LYPD6: variants seen among roughly 807,000 people sequenced by gnomAD.
LYPD6 encodes the protein ly6/PLAUR domain-containing protein 6.
A neutral mutation model predicts 22.7 loss-of-function variants in LYPD6; 15 were observed. That is an observed-to-expected ratio of 0.66 (90% CI 0.44 to 1.02). LYPD6 has a LOEUF of 1.02. LYPD6 is among the 50% of genes least tolerant of loss of function. The pLI, the probability that LYPD6 is intolerant of heterozygous loss-of-function variation, is 0.00. For missense variants in LYPD6, 189 were observed against 208.4 expected (o/e 0.91, Z 0.57); for synonymous variants, 72 against 77.5 (o/e 0.93, Z 0.37).
chr2:149,384,103 A>G (rs1682127450), intron 1 of LYPD6, among the ~76,000 whole-genome samples: 1 of 152,210 alleles, frequency 6.6e-6, no homozygotes. Context: ...GTAGAATCCC[A>G]TTAAATATTT....
chr2:149,414,306 A>C (rs1682915867), intron 1 of LYPD6, among the ~76,000 whole-genome samples: 1 of 152,236 alleles, frequency 6.6e-6, no homozygotes, highest in African/African-American at 2.4e-5. Flanking sequence ...TTTAATACTC[A>C]CTGTTAATAT....
intron 1 of LYPD6, among the ~76,000 whole-genome samples, chr2:149,359,117 A>G (rs1681521729): frequency 6.6e-6 from 1 of 152,240 alleles, no homozygotes; most frequent in African/African-American, 2.4e-5. Context: ...CATATTTTAA[A>G]GGAGTGTTTG....
At chr2:149,331,344 G>A (rs148946241) in intron 1 of LYPD6, among the ~76,000 whole-genome samples, 1 of 152,154 alleles carries the variant, frequency 6.6e-6, no homozygotes, top group Admixed American at 6.5e-5. Context: ...TTTTCTCTCC[G>A]GTAACAGCAG....
chr2:149,402,229 T>A (rs1436062096), intron 1 of LYPD6, among the ~76,000 whole-genome samples: 1 of 150,534 alleles, frequency 6.6e-6, no homozygotes, highest in Non-Finnish European at 1.5e-5. Flanking sequence ...ATGGTGTGTG[T>A]TTGCGTGTGT....
At position 149,404,490 on chromosome 2, in the gene LYPD6, A is replaced by T. The variant is rs375712772; in HGVS notation, c.-71-33148A>T. Among the ~76,000 whole-genome samples the T allele has an allele frequency of 3.9e-5, 6 of 152,084 alleles. 1 individual carries two copies. In the East Asian group the frequency reaches 7.7e-4, roughly 20 times the overall value. On this transcript the variant is annotated intron_variant, in intron 1 of 4. Coordinates refer to ENST00000334166, the MANE Select transcript of LYPD6 (RefSeq NM_194317.5). ...ATTCCTAGGTATTGTATTCTCTTTG[A>T]AGCAGTTGTGAATGGGAGTTCACTC...
intron 3 of LYPD6, among the ~76,000 whole-genome samples, chr2:149,463,994 T>C (rs941523223): frequency 2.0e-5 from 3 of 152,152 alleles, no homozygotes; most frequent in Admixed American, 2.0e-4. Flanking sequence ...TATTATACCA[T>C]AGTTTTGCAG....
intron 3 of LYPD6, among the ~76,000 whole-genome samples, chr2:149,457,029 A>T (rs1310359893): frequency 6.6e-6 from 1 of 152,206 alleles, no homozygotes; most frequent in East Asian, 1.9e-4. Context: ...TCGCTAATTG[A>T]CATTTTTACA....
intron 1 of LYPD6, among the ~76,000 whole-genome samples, chr2:149,397,338 G>A (rs1425615527): frequency 6.6e-6 from 1 of 152,126 alleles, no homozygotes; most frequent in Admixed American, 6.5e-5. Context: ...TTGTTTCAGT[G>A]TTCCTCCATG....
intron 1 of LYPD6, among the ~76,000 whole-genome samples, chr2:149,421,114 TTTTCTTTAATCCCACCAC>T (rs1416991079): frequency 6.6e-6 from 1 of 152,050 alleles, no homozygotes; most frequent in Admixed American, 6.5e-5. Flanking sequence ...ATCCCAGCAC[TTTTCTTTAATCCCACCAC>T]TTTCTTTAAT....
intron 3 of LYPD6, among the ~76,000 whole-genome samples, chr2:149,466,705 ATAAT>A (rs1381262357): frequency 6.6e-6 from 1 of 152,222 alleles, no homozygotes; most frequent in Non-Finnish European, 1.5e-5. Flanking sequence ...TTAAAACAGG[ATAAT>A]TCACTACTTG....
intron 1 of LYPD6, among the ~76,000 whole-genome samples, chr2:149,404,345 T>C (rs1204169594): frequency 2.0e-5 from 3 of 152,212 alleles, no homozygotes; most frequent in Non-Finnish European, 4.4e-5. Flanking sequence ...TTTCACGATA[T>C]TGATTCTTCC....
At chr2:149,387,761 G>C (rs900993126) in intron 1 of LYPD6, among the ~76,000 whole-genome samples, 1 of 152,186 alleles carries the variant, frequency 6.6e-6, no homozygotes, top group African/African-American at 2.4e-5. Context: ...GAGCCATGAA[G>C]TAAATGATGA....
At chr2:149,331,818 G>A (rs988939511) in intron 1 of LYPD6, among the ~76,000 whole-genome samples, 1 of 152,166 alleles carries the variant, frequency 6.6e-6, no homozygotes, top group African/African-American at 2.4e-5. Context: ...GATTCTCCAG[G>A]GGGAAGCTTA....
At chr2:149,438,165 T>C (rs546219465) in intron 2 of LYPD6, among the ~76,000 whole-genome samples, 39 of 152,348 alleles carry the variant, frequency 2.6e-4, no homozygotes, top group African/African-American at 9.1e-4. Context: ...AAAAGATCAA[T>C]CCTTTATACG....
At chr2:149,483,697 T>G in the LYPD6 span, among the ~76,000 whole-genome samples, 1 of 152,208 alleles carries the variant, frequency 6.6e-6, no homozygotes, top group Admixed American at 6.5e-5. Flanking sequence ...CAGCTCGACT[T>G]AATCATTCAC....
At chr2:149,338,482 G>A (rs904486392) in intron 1 of LYPD6, among the ~76,000 whole-genome samples, 5 of 152,100 alleles carry the variant, frequency 3.3e-5, no homozygotes, top group Non-Finnish European at 7.4e-5. Flanking sequence ...ATCAAAAGGT[G>A]GGGCCTTTTG....
intron 2 of LYPD6, among the ~76,000 whole-genome samples, chr2:149,442,804 A>G (rs1020076539): frequency 6.6e-6 from 1 of 152,174 alleles, no homozygotes; most frequent in Non-Finnish European, 1.5e-5. Flanking sequence ...TGAAAGCAGT[A>G]TGTTTGCAGA....
intron 1 of LYPD6, among the ~76,000 whole-genome samples, chr2:149,361,211 C>A (rs1274176824): frequency 3.9e-5 from 6 of 152,052 alleles, no homozygotes; most frequent in Non-Finnish European, 7.4e-5. Context: ...TGGGAGGTAA[C>A]CAGGAAAAGC....
chr2:149,463,182 A>G (rs1251433507), intron 3 of LYPD6, among the ~76,000 whole-genome samples: 3 of 152,182 alleles, frequency 2.0e-5, no homozygotes, highest in East Asian at 1.9e-4. Context: ...AATAATTTTC[A>G]GAACACACCA....
Sources: gnomAD v4.1 joint callset for allele counts (sites outside exome capture counted in the v4.1 genomes callset) on GRCh38, gnomAD v4.1.1 for gene constraint, MANE v1.5 for transcripts, NCBI Gene and HGNC (gene_info 2026-07-23, HGNC 2026-07-21) for gene names.